The following OXGR1 variants were observed in gnomAD, a reference collection of about 807,000 sequenced individuals.
OXGR1 encodes oxoglutarate receptor 1, also known as 2-oxoglutarate receptor 1.
OXGR1 carries 10 observed loss-of-function variants against 10.0 expected under a neutral mutation model. That is an observed-to-expected ratio of 1.00 (90% CI 0.62 to 1.70). The LOEUF (loss-of-function observed/expected upper bound fraction) is 1.70. Ranked by LOEUF, OXGR1 falls within the 40% of genes most tolerant of loss-of-function variation. The probability of loss-of-function intolerance (pLI) is 0.00; values close to 1 mark genes in which losing one functional copy is unlikely to be tolerated. For synonymous variants in OXGR1, 191 were observed against 155.9 expected (o/e 1.22, Z -1.68); for missense variants, 398 against 407.6 (o/e 0.98, Z 0.20).
In OXGR1 at chr13:96,987,691, A is replaced by G. The variant is rs773382315; in HGVS notation, c.69T>C (p.Asn23=). 4 of 1,613,464 alleles carry G rather than the reference A, an allele frequency of 2.5e-6. No homozygotes were observed. Among genetic ancestry groups the G allele is most frequent in the South Asian group, 1.1e-5 (1 of 90,910 alleles). ...DFPDYAAAFG[N]CTDENIPLKM... is the part of the protein sequence containing the mutation. ...TGAGTGGGATGTTTTCATCAGTGCA[A>G]TTTCCAAAAGCAGCTGCATAATCGG... Residue 23 remains asparagine, a synonymous_variant, in exon 4 of 4, where the codon AAT becomes AAC. Coordinates refer to ENST00000541038, the MANE Select transcript of OXGR1 (RefSeq NM_001346194.2).
intron 2 of OXGR1, among the ~76,000 whole-genome samples, chr13:96,991,973 C>G (rs1411884045): frequency 6.6e-6 from 1 of 152,032 alleles, no homozygotes; most frequent in Admixed American, 6.6e-5. Flanking sequence ...GTGAAAAAAG[C>G]CAGGCATGGA....
chr13:96,993,644 T>A (rs1391670064), intron 1 of OXGR1, among the ~76,000 whole-genome samples: 1 of 152,190 alleles, frequency 6.6e-6, no homozygotes, highest in South Asian at 2.1e-4. Flanking sequence ...CAAATACAAC[T>A]TCTGAGAGCT....
In OXGR1 at chr13:96,994,432, C is replaced by G. The variant is rs983722942; in HGVS notation, c.-412G>C. On this transcript the variant is annotated 5_prime_UTR_variant, in exon 1 of 4. Transcript: ENST00000541038. Reference sequence around the variant, plus strand: ...CCCTCCGAGGCCCAGCGAGCAAGTGCGTGTTCTCGGGTCCTCGCCCCGAGC... The same window carrying G: ...CCCTCCGAGGCCCAGCGAGCAAGTGGGTGTTCTCGGGTCCTCGCCCCGAGC... 3.8e-5 allele frequency: 5 copies of G among 131,412 alleles called. No homozygotes were observed. Among genetic ancestry groups the G allele is most frequent in the African/African-American group, 1.4e-4 (5 of 35,352 alleles). The allele number at this position is 131,412 out of a possible 1,614,324, so 8.1% of individuals were successfully genotyped here. A position where few individuals can be genotyped will look rare whatever the true frequency, so the allele number is the denominator to read the frequency against.
At chr13:96,992,730 A>G (rs1263957834) in intron 1 of OXGR1, among the ~76,000 whole-genome samples, 158 bp from the exon 2 acceptor site, 1 of 152,220 alleles carries the variant, frequency 6.6e-6, no homozygotes, top group Non-Finnish European at 1.5e-5. Flanking sequence ...TTTGCAGATC[A>G]GCTTTGTTGG....
chr13:96,987,260 G>T lies in OXGR1; in HGVS notation c.500C>A (p.Pro167Gln). ...GGTTGATGTGATCAAGAAGGTCATC[G>T]GAATGACAGCTACCAGTGAAATGAT... ...VWIISLVAVI[P>Q]MTFLITSTNR... Residue 167 changes from proline to glutamine, a missense_variant, in exon 4 of 4, where the codon CCG becomes CAG. By Grantham distance (76) the Pro-to-Gln change is moderately conservative (BLOSUM62 -1). Coordinates refer to ENST00000541038, the MANE Select transcript of OXGR1 (RefSeq NM_001346194.2). 6.2e-7 allele frequency: 1 copy of T among 1,612,816 alleles called. No homozygotes were observed. Among genetic ancestry groups the T allele is most frequent in the Non-Finnish European group, 8.5e-7 (1 of 1,178,768 alleles).
rs754835610 is a variant in OXGR1 at position 96,986,994 on chromosome 13, G to A, written c.766C>T (p.Pro256Ser). ...CGAATGACCCTCAAGATATGGAAGG[G>A]TAAAAAACATACGTAAAATGCAAGG... ...LLLAFYVCFLPFHILRVIRIE... is the reference protein window; with the variant it reads ...LLLAFYVCFLSFHILRVIRIE... Residue 256 changes from proline to serine, a missense_variant, in exon 4 of 4, where the codon CCC becomes TCC. Pro to Ser is a moderately conservative substitution (Grantham distance 74, BLOSUM62 -1). Coordinates refer to ENST00000541038, the MANE Select transcript of OXGR1 (RefSeq NM_001346194.2). 3.1e-6 allele frequency: 5 copies of A among 1,614,206 alleles called. No individual in the cohort carries two copies. Among genetic ancestry groups the A allele is most frequent in the South Asian group, 1.1e-5 (1 of 91,084 alleles).
chr13:96,993,524 C>T, intron 1 of OXGR1, among the ~76,000 whole-genome samples: 1 of 152,130 alleles, frequency 6.6e-6, no homozygotes, highest in East Asian at 1.9e-4. Context: ...CCCGGCCAAT[C>T]CCCAATTCGT....
At chr13:96,990,181 C>G (rs1441194568) in intron 2 of OXGR1, among the ~76,000 whole-genome samples, 1 of 152,116 alleles carries the variant, frequency 6.6e-6, no homozygotes, top group Non-Finnish European at 1.5e-5. Flanking sequence ...GATGGCTTCT[C>G]CCTTGGCAGA....
At chr13:96,988,275 G>A (rs1249732071) in intron 3 of OXGR1, among the ~76,000 whole-genome samples, 1 of 152,160 alleles carries the variant, frequency 6.6e-6, no homozygotes, top group African/African-American at 2.4e-5. Flanking sequence ...ACTGAGAAAT[G>A]TTTTGCGGCT....
intron 2 of OXGR1, among the ~76,000 whole-genome samples, chr13:96,991,673 G>T (rs564512732): frequency 6.6e-6 from 1 of 152,154 alleles, no homozygotes; most frequent in African/African-American, 2.4e-5. Context: ...CAGTTTGGAG[G>T]TTCCTCAGCA....
In OXGR1 at chr13:96,986,964, C is replaced by A; in HGVS notation, c.796G>T (p.Glu266Ter). 1 of 1,614,116 alleles carries A rather than the reference C, an allele frequency of 6.2e-7. No individual in the cohort carries two copies. Among genetic ancestry groups the A allele is most frequent in the East Asian group, 2.2e-5 (1 of 44,878 alleles). ...PFHILRVIRI[E>*]SRLLSISCSI... ...CAACTGATTGAAAGCAGGCGAGATT[C>A]GATCCGAATGACCCTCAAGATATGG... Residue 266 changes from glutamate to a stop codon, truncating the protein, a stop_gained, in exon 4 of 4, where the codon GAA (glutamate) becomes TAA (stop). Transcript: ENST00000541038. LOFTEE classifies it high-confidence loss of function.
chr13:96,991,181 G>A (rs891047181), intron 2 of OXGR1, among the ~76,000 whole-genome samples: 1 of 152,100 alleles, frequency 6.6e-6, no homozygotes, highest in African/African-American at 2.4e-5. Context: ...AGGGTGGAGG[G>A]GTTGACTAGG....
In OXGR1 at chr13:96,987,772, T is replaced by C. The variant is rs373834268; in HGVS notation, c.-13A>G. The C allele has an allele frequency of 4.8e-4, 745 of 1,546,722 alleles. 5 individuals are homozygous for C. In the South Asian group the frequency reaches 5.5e-3, roughly 11 times the overall value. On this transcript the variant is annotated 5_prime_UTR_variant, in exon 4 of 4. Transcript: ENST00000541038. ...GTGGCTCATTCATGGTTGTCTCCTTTCATCTTGCAAGAAAACAAGAGAGTT... is the reference window on the plus strand; with the variant it reads ...GTGGCTCATTCATGGTTGTCTCCTTCCATCTTGCAAGAAAACAAGAGAGTT...
At position 96,987,673 on chromosome 13, in the gene OXGR1, G is replaced by T; in HGVS notation, c.87C>A (p.Ile29=). The T allele has an allele frequency of 6.2e-7, 1 of 1,614,112 alleles. No individual in the cohort carries two copies. The highest frequency in any genetic ancestry group is 8.5e-7 in the Non-Finnish European group (1 of 1,179,998). Residue 29 remains isoleucine (I), a synonymous_variant, in exon 4 of 4, where the codon ATC becomes ATA. Coordinates refer to ENST00000541038, the MANE Select transcript of OXGR1 (RefSeq NM_001346194.2). ...CAGGGAGGTAGTGCATCTTGAGTGGGATGTTTTCATCAGTGCAATTTCCAA... is the reference window on the plus strand; with the variant it reads ...CAGGGAGGTAGTGCATCTTGAGTGGTATGTTTTCATCAGTGCAATTTCCAA... The part of the protein sequence containing the change: ...AAFGNCTDEN[I]PLKMHYLPVI...
chr13:96,988,849 C>T (rs1881917346), intron 3 of OXGR1, among the ~76,000 whole-genome samples: 1 of 152,114 alleles, frequency 6.6e-6, no homozygotes, highest in African/African-American at 2.4e-5. Context: ...TTATAATTAG[C>T]TTATTATTTG....
chr13:96,987,433 G>T lies in OXGR1; in HGVS notation c.327C>A (p.Ile109=). Reference sequence around the variant, plus strand: ...ACAGGTTGAAATGGAAGCTGAAGCGGATAAACTTACACATGAAATCTCCAA... The same window carrying T: ...ACAGGTTGAAATGGAAGCTGAAGCGTATAAACTTACACATGAAATCTCCAA... ...WIFGDFMCKF[I]RFSFHFNLYS... The change falls in exon 4 of 4, where the codon ATC becomes ATA. Residue 109 remains isoleucine (I), a synonymous_variant. Coordinates refer to ENST00000541038, the MANE Select transcript of OXGR1 (RefSeq NM_001346194.2). 2 of 1,614,214 alleles carry T rather than the reference G, an allele frequency of 1.2e-6. No homozygotes were observed. The highest frequency in any genetic ancestry group is 1.7e-6 in the Non-Finnish European group (2 of 1,180,044).
At chr13:96,990,148 T>C (rs1489844963) in intron 2 of OXGR1, among the ~76,000 whole-genome samples, 1 of 152,160 alleles carries the variant, frequency 6.6e-6, no homozygotes, top group Non-Finnish European at 1.5e-5. Context: ...GTGAGAGTGC[T>C]CTGAAGCCAG....
At position 96,986,752 on chromosome 13, in the gene OXGR1, G is replaced by A; in HGVS notation, c.1008C>T (p.Asn336=). ...EQAKKISYSN[N]P ...GTTAAGTAAATGAAATATTTCAAGGGTTGTTTGAGTAACTAATTTTCTTTG... is the reference window on the plus strand; with the variant it reads ...GTTAAGTAAATGAAATATTTCAAGGATTGTTTGAGTAACTAATTTTCTTTG... The change falls in exon 4 of 4, where the codon AAC becomes AAT. Residue 336 remains asparagine (N), a synonymous_variant. Coordinates refer to ENST00000541038, the MANE Select transcript of OXGR1 (RefSeq NM_001346194.2). The A allele has an allele frequency of 6.2e-7, 1 of 1,603,374 alleles. No homozygotes were observed.
chr13:96,986,964 C>T lies in OXGR1; in HGVS notation c.796G>A (p.Glu266Lys), dbSNP rs150544471. ...PFHILRVIRI[E>K]SRLLSISCSI... Reference sequence around the variant, plus strand: ...CAACTGATTGAAAGCAGGCGAGATTCGATCCGAATGACCCTCAAGATATGG... The same window carrying T: ...CAACTGATTGAAAGCAGGCGAGATTTGATCCGAATGACCCTCAAGATATGG... Residue 266 changes from glutamate (E) to lysine (K), a missense_variant, in exon 4 of 4, where the codon GAA (glutamate) becomes AAA (lysine). Glu to Lys is a moderately conservative substitution (Grantham distance 56). Coordinates refer to ENST00000541038, the MANE Select transcript of OXGR1 (RefSeq NM_001346194.2). The T allele has an allele frequency of 1.4e-5, 22 of 1,613,998 alleles. No homozygotes were observed. In the African/African-American group the frequency reaches 1.6e-4, roughly 12 times the overall value.
Sources: gnomAD v4.1 joint callset for allele counts (sites outside exome capture counted in the v4.1 genomes callset) on GRCh38, gnomAD v4.1.1 for gene constraint, MANE v1.5 for transcripts, NCBI Gene and HGNC (gene_info 2026-07-23, HGNC 2026-07-21) for gene names.